The following SPAST variants were observed in gnomAD, a reference collection of about 807,000 sequenced individuals.
The protein encoded by SPAST is spastin, also known as spastic paraplegia 4 (autosomal dominant; spastin).
In SPAST, 30 loss-of-function variants were observed where a neutral mutation model predicts 76.6. The observed-to-expected ratio is 0.39, with a 90% confidence interval of 0.29 to 0.53. SPAST has a LOEUF of 0.53. SPAST is among the 20% of genes least tolerant of loss of function. The pLI is 0.68. For synonymous variants in SPAST, 305 were observed against 281.0 expected, an observed-to-expected ratio of 1.09 and a Z score of -0.86; for missense variants, 717 against 770.5, an observed-to-expected ratio of 0.93 and a Z score of 0.82.
At chr2:32,114,244 A>G (rs1189413477) in intron 4 of SPAST, among the ~76,000 whole-genome samples, 1 of 151,962 alleles carries the variant, frequency 6.6e-6, no homozygotes, top group Non-Finnish European at 1.5e-5. Context: ...CCCTGTTTCT[A>G]TAAAAAAAAT....
Position 32,083,731 on chromosome 2 carries a change from CTATATATATTTATATATACTATA to C in SPAST, c.416-3751_416-3729del, listed in dbSNP as rs1177700393. 2.8e-3 allele frequency among the ~76,000 whole-genome samples: 197 copies of C among 70,450 alleles called. 1 individual carries two copies. The highest frequency in any genetic ancestry group is 0.011 in the Middle Eastern group (1 of 88). The allele number at this position is 70,450 out of a possible 152,430, so 46.2% of individuals were successfully genotyped here. On this transcript the variant is annotated intron_variant, in intron 1 of 16. Transcript: ENST00000315285. ...TTTATACTATATATATTTATATATA[CTATATATATTTATATATACTATA>C]TATATATATATATATATATATATTT...
intron 1 of SPAST, among the ~76,000 whole-genome samples, chr2:32,067,715 C>G (rs141581299): frequency 5.3e-5 from 8 of 149,584 alleles, no homozygotes; most frequent in East Asian, 3.9e-4. Context: ...GTGATCATAG[C>G]TCACTGCAGC....
Position 32,087,549 on chromosome 2 carries a change from A to C in SPAST, c.473A>C (p.Lys158Thr), listed in dbSNP as rs747401107. 6.2e-7 allele frequency: 1 copy of C among 1,606,500 alleles called. No individual in the cohort carries two copies. Among genetic ancestry groups the C allele is most frequent in the Non-Finnish European group, 8.5e-7 (1 of 1,173,894 alleles). Reference protein sequence around the residue: ...WYKKGIEELEKGIAVIVTGQG... With the variant: ...WYKKGIEELETGIAVIVTGQG... ...AAGAAAGGTATTGAAGAACTGGAAA[A>C]AGGAATAGCTGTTATAGTTACAGGA... Residue 158 changes from lysine to threonine, a missense_variant, in exon 2 of 17, where the codon AAA becomes ACA. Transcript: ENST00000315285.
At chr2:32,134,502 C>T (rs1170532347) in intron 9 of SPAST, among the ~76,000 whole-genome samples, 1 of 150,924 alleles carries the variant, frequency 6.6e-6, no homozygotes, top group Non-Finnish European at 1.5e-5. Context: ...CAAGGTGTCA[C>T]TGTGTTGCCA....
Position 32,063,608 on chromosome 2 carries a change from A to G in SPAST, c.-224A>G, listed in dbSNP as rs1229024782. On this transcript the variant is annotated 5_prime_UTR_variant, in exon 1 of 17. Coordinates refer to ENST00000315285, the MANE Select transcript of SPAST (RefSeq NM_014946.4). ...GCGGAGAGGACAGCGACAGGAAGGG[A>G]GGGGCCCGAGCCACCGACTGCAGGA... 6 of 568,642 alleles carry G rather than the reference A, an allele frequency of 1.1e-5. No individual in the cohort carries two copies. In the East Asian group the frequency reaches 1.9e-4, roughly 18 times the overall value. The allele number at this position is 568,642 out of a possible 1,614,324, so 35.2% of individuals were successfully genotyped here.
intron 7 of SPAST, among the ~76,000 whole-genome samples, chr2:32,117,232 A>T (rs773794442): frequency 5.9e-5 from 9 of 152,164 alleles, no homozygotes; most frequent in Non-Finnish European, 1.0e-4. Context: ...CAGCCTGGCG[A>T]CAGAGCGAGA....
At chr2:32,110,674 A>G (rs111215074) in intron 4 of SPAST, among the ~76,000 whole-genome samples, 2 of 138,046 alleles carry the variant, frequency 1.4e-5, no homozygotes, top group South Asian at 2.2e-4. Context: ...TATAGTATAT[A>G]TAGTGTATAT....
intron 16 of SPAST, among the ~76,000 whole-genome samples, chr2:32,152,156 A>G (rs980270477): frequency 6.6e-6 from 1 of 152,204 alleles, no homozygotes; most frequent in Non-Finnish European, 1.5e-5. Flanking sequence ...ACCAGCTACC[A>G]TCTGCCTTTT....
At chr2:32,084,194 CAG>C (rs1452867534) in intron 1 of SPAST, among the ~76,000 whole-genome samples, 1 of 151,666 alleles carries the variant, frequency 6.6e-6, no homozygotes, top group Non-Finnish European at 1.5e-5. Flanking sequence ...TTTTTTGAGA[CAG>C]AGTCTTGCTC....
intron 3 of SPAST, among the ~76,000 whole-genome samples, chr2:32,091,542 G>T (rs1677716734): frequency 6.7e-6 from 1 of 149,508 alleles, no homozygotes; most frequent in South Asian, 2.2e-4. Flanking sequence ...CTCCCAAAGT[G>T]CTGGGATAGG....
At chr2:32,106,720 A>G (rs1678336802) in intron 4 of SPAST, among the ~76,000 whole-genome samples, 1 of 152,190 alleles carries the variant, frequency 6.6e-6, no homozygotes, top group Admixed American at 6.5e-5. Context: ...CATCTCCCCT[A>G]AGGACTTCTT....
chr2:32,129,751 C>G (rs1679309918), intron 9 of SPAST: 1 of 152,222 alleles, frequency 6.6e-6, no homozygotes, highest in Admixed American at 6.6e-5. Context: ...ATAATCCTAG[C>G]ATTTTGGGAG....
chr2:32,141,841 A>G (rs1679729534), intron 12 of SPAST, 63 bp from the exon 13 acceptor site: 5 of 1,289,256 alleles, frequency 3.9e-6, no homozygotes, highest in Non-Finnish European at 5.6e-6. Flanking sequence ...TTTTCCTGTC[A>G]TTTGCTGTTT....
At chr2:32,064,482 C>T (rs907382664) in intron 1 of SPAST, among the ~76,000 whole-genome samples, 1 of 152,188 alleles carries the variant, frequency 6.6e-6, no homozygotes, top group Admixed American at 6.5e-5. Flanking sequence ...CAGCCTTCCC[C>T]CACACTTCTG....
At chr2:32,139,032 A>AT (rs1354906145) in intron 12 of SPAST, among the ~76,000 whole-genome samples, 1 of 152,064 alleles carries the variant, frequency 6.6e-6, no homozygotes, top group Non-Finnish European at 1.5e-5. Context: ...GTCTGTTTTT[A>AT]TACCAGAATT....
chr2:32,139,470 G>A (rs1457348186), intron 12 of SPAST, among the ~76,000 whole-genome samples: 1 of 152,108 alleles, frequency 6.6e-6, no homozygotes, highest in Non-Finnish European at 1.5e-5. Flanking sequence ...ATTTCTATAC[G>A]CTAATAATGT....
chr2:32,111,460 G>A (rs960355555), intron 4 of SPAST, among the ~76,000 whole-genome samples: 1 of 149,210 alleles, frequency 6.7e-6, no homozygotes, highest in African/African-American at 2.4e-5. Context: ...AGTATATAGA[G>A]TATATATAGT....
At chr2:32,071,554 A>G (rs888933649) in intron 1 of SPAST, among the ~76,000 whole-genome samples, 1 of 152,184 alleles carries the variant, frequency 6.6e-6, no homozygotes, top group Non-Finnish European at 1.5e-5. Flanking sequence ...CATCTGTCCA[A>G]GGTGGTCAGG....
chr2:32,114,258 T>A (rs1678737457), intron 4 of SPAST, among the ~76,000 whole-genome samples: 1 of 152,050 alleles, frequency 6.6e-6, no homozygotes, highest in Non-Finnish European at 1.5e-5. Flanking sequence ...AAAAAATTTT[T>A]AATTAGTCCG....
Sources: gnomAD v4.1 joint callset for allele counts (sites outside exome capture counted in the v4.1 genomes callset) on GRCh38, gnomAD v4.1.1 for gene constraint, MANE v1.5 for transcripts, NCBI Gene and HGNC (gene_info 2026-07-23, HGNC 2026-07-21) for gene names.